Variants in TDRD12 observed in about 807,000 individuals in gnomAD.
TDRD12 encodes tudor domain containing 12.
A neutral mutation model predicts 133.5 loss-of-function variants in TDRD12; 158 were observed. That is an observed-to-expected ratio of 1.18 (90% CI 1.04 to 1.35). The LOEUF is 1.35. Ranked by LOEUF, TDRD12 falls within the 40% of genes most tolerant of loss-of-function variation. TDRD12 has a pLI of 0.00. For synonymous variants in TDRD12, 460 were observed against 477.9 expected, an observed-to-expected ratio of 0.96 and a Z score of 0.49; for missense variants, 1,443 against 1,321.3, an observed-to-expected ratio of 1.09 and a Z score of -1.43.
Position 32,826,495 on chromosome 19 carries a change from A to G in TDRD12, c.947A>G (p.Asn316Ser), listed in dbSNP as rs114037170. Residue 316 changes from asparagine to serine, a missense_variant, in exon 9 of 10, where the codon AAC becomes AGC. Physicochemically the swap from Asn to Ser is conservative, Grantham distance 46. Transcript: ENST00000637289. ...CTGGCTGATCTGGAGCTGCGGGGCAACATAAGGAAAGATGACTGCCAATGT... is the reference window on the plus strand; with the variant it reads ...CTGGCTGATCTGGAGCTGCGGGGCAGCATAAGGAAAGATGACTGCCAATGT... 1.2e-3 allele frequency: 1,482 copies of G among 1,253,498 alleles called. 16 individuals carry two copies. The African/African-American group carries it at 0.021, about 18-fold the overall frequency. The allele number at this position is 1,253,498 out of a possible 1,614,324, so 77.6% of individuals were successfully genotyped here.
downstream of TDRD12, chr19:32,826,002 G>A (rs569660532): frequency 1.1e-5 from 9 of 826,340 alleles, no homozygotes; most frequent in African/African-American, 8.8e-5. Context: ...TCATCTAGAC[G>A]TTGCATAAGG....
At chr19:32,737,401 T>C (rs1350553864) in intron 2 of TDRD12, among the ~76,000 whole-genome samples, 1 of 152,054 alleles carries the variant, frequency 6.6e-6, no homozygotes, top group Non-Finnish European at 1.5e-5. Context: ...GACGGGGTTT[T>C]TCCATGTTGG....
intron 11 of TDRD12, among the ~76,000 whole-genome samples, chr19:32,789,067 G>A (rs1348830706): frequency 1.3e-5 from 2 of 152,172 alleles, no homozygotes; most frequent in African/African-American, 2.4e-5. Context: ...CTCGGGTTGG[G>A]GTGAGTGGCC....
At chr19:32,815,307 A>G (rs1967139868) in intron 25 of TDRD12, 141 bp from the exon 26 acceptor site, 1 of 643,430 alleles carries the variant, frequency 1.6e-6, no homozygotes, top group South Asian at 2.2e-5. Context: ...TGCCATGGAA[A>G]GCCCTGCACG....
chr19:32,824,587 T>C (rs1165411564), downstream of TDRD12: 1 of 152,352 alleles, frequency 6.6e-6, no homozygotes, highest in Non-Finnish European at 1.5e-5. Flanking sequence ...TCTAAGCCTG[T>C]CTGCTTTTGT....
At chr19:32,763,855 C>G (rs904770467) in intron 8 of TDRD12, among the ~76,000 whole-genome samples, 1 of 152,218 alleles carries the variant, frequency 6.6e-6, no homozygotes, top group Non-Finnish European at 1.5e-5. Context: ...CTGAGTCTCT[C>G]TGTCCATCTG....
chr19:32,795,660 C>T (rs566256956), intron 14 of TDRD12, among the ~76,000 whole-genome samples: 5 of 152,288 alleles, frequency 3.3e-5, no homozygotes, highest in African/African-American at 1.2e-4. Flanking sequence ...TAAGTCTGTT[C>T]TAGCATTGCT....
intron 10 of TDRD12, among the ~76,000 whole-genome samples, chr19:32,776,677 G>C (rs1174333110): frequency 6.6e-6 from 1 of 152,168 alleles, no homozygotes; most frequent in African/African-American, 2.4e-5. Context: ...CTCTAGTTGT[G>C]ATCAGCAGGA....
At chr19:32,727,142 T>G (rs547793656) in intron 1 of TDRD12, among the ~76,000 whole-genome samples, 17 of 151,760 alleles carry the variant, frequency 1.1e-4, no homozygotes, top group South Asian at 4.2e-4. Context: ...AATTTTCAGG[T>G]TTTTTTTGAC....
intron 1 of TDRD12, among the ~76,000 whole-genome samples, chr19:32,728,828 T>A (rs1968945666): frequency 2.7e-5 from 4 of 146,048 alleles, no homozygotes; most frequent in African/African-American, 7.9e-5. Context: ...TTTTTTTTTT[T>A]TGTACAGATG....
chr19:32,776,913 G>T (rs1960776262), intron 10 of TDRD12, among the ~76,000 whole-genome samples: 2 of 152,200 alleles, frequency 1.3e-5, no homozygotes, highest in East Asian at 1.9e-4. Flanking sequence ...TAAGAGACAG[G>T]GTCTTGCTCT....
chr19:32,815,863 A>G (rs1967161478), intron 26 of TDRD12, among the ~76,000 whole-genome samples: 1 of 152,164 alleles, frequency 6.6e-6, no homozygotes, highest in Non-Finnish European at 1.5e-5. Context: ...GTGTGGCAGC[A>G]CGTGCCTGTA....
chr19:32,804,697 A>G (rs1169208733), intron 21 of TDRD12, among the ~76,000 whole-genome samples: 8 of 150,420 alleles, frequency 5.3e-5, no homozygotes, highest in Admixed American at 5.3e-4. Flanking sequence ...GTCTCAAAAA[A>G]AAAAAAAAAA....
intron 13 of TDRD12, among the ~76,000 whole-genome samples, chr19:32,793,474 C>T (rs903898891): frequency 5.9e-5 from 9 of 152,094 alleles, no homozygotes; most frequent in African/African-American, 1.7e-4. Flanking sequence ...CAGAGCATGG[C>T]GGGTCCTGAC....
Position 32,763,878 on chromosome 19 carries a change from G to T in TDRD12, c.865+6748G>T, listed in dbSNP as rs114075325. Among the ~76,000 whole-genome samples, 423 of 152,270 alleles carry T rather than the reference G, an allele frequency of 2.8e-3. 1 individual carries two copies. The highest frequency in any genetic ancestry group is 9.4e-3 in the African/African-American group (391 of 41,552). On this transcript the variant is annotated intron_variant, in intron 8 of 27. Coordinates refer to ENST00000444215, the Ensembl canonical transcript of TDRD12. Reference sequence around the variant, plus strand: ...CTCTGTCCATCTGTCAGTCTCTCCAGTGCTGGGGCAACAGTTTGCCCTGTG... The same window carrying T: ...CTCTGTCCATCTGTCAGTCTCTCCATTGCTGGGGCAACAGTTTGCCCTGTG...
intron 8 of TDRD12, among the ~76,000 whole-genome samples, chr19:32,759,903 C>T (rs867657290): frequency 3.3e-5 from 5 of 152,226 alleles, no homozygotes; most frequent in South Asian, 4.1e-4. Flanking sequence ...AATGGGCCAT[C>T]GTGCAGCGTG....
chr19:32,735,969 TAAAAA>T (rs1405183432), intron 2 of TDRD12, among the ~76,000 whole-genome samples: 1 of 151,952 alleles, frequency 6.6e-6, no homozygotes, highest in Non-Finnish European at 1.5e-5. Flanking sequence ...GACTCCATCT[TAAAAA>T]ATAAATAGGA....
chr19:32,756,682 G>A (rs764473386), intron 7 of TDRD12, among the ~76,000 whole-genome samples: 6 of 151,956 alleles, frequency 3.9e-5, no homozygotes, highest in South Asian at 2.1e-4. Context: ...CACCGCGCCC[G>A]GCCTCAATTT....
At chr19:32,749,719 C>A in intron 5 of TDRD12, 65 bp from the exon 6 acceptor site, 3 of 1,278,898 alleles carry the variant, frequency 2.3e-6, no homozygotes, top group South Asian at 1.3e-5. Flanking sequence ...GGTGGGAAAT[C>A]GTCATGATTG....
Sources: allele counts gnomAD v4.1 joint callset (sites outside exome capture counted in the v4.1 genomes callset), GRCh38; gene constraint gnomAD v4.1.1; transcripts MANE v1.5; gene names NCBI Gene and HGNC (gene_info 2026-07-23, HGNC 2026-07-21).